The following LRRC4C variants were observed in gnomAD, a reference collection of about 807,000 sequenced individuals.
The protein encoded by LRRC4C is leucine rich repeat containing 4C.
Under a neutral mutation model 33.6 loss-of-function variants are expected in LRRC4C, and 5 were observed. The observed-to-expected ratio is 0.15, with a 90% CI of 0.08 to 0.31. The LOEUF is 0.31. Ranked by LOEUF, LRRC4C falls within the 10% of genes least tolerant of loss-of-function variation. The pLI is 1.00. For missense variants in LRRC4C, 560 were observed against 796.7 expected (o/e 0.70, Z 3.58); for synonymous variants, 329 against 302.0 (o/e 1.09, Z -0.93).
chr11:41,141,277 C>A lies in LRRC4C; in HGVS notation c.-495-207554G>T, dbSNP rs1488889952. ...CCACCACACAAAATTTCCAGTGCAG[C>A]CAAGAGGGAAGGCTGCTAGCAACAC... On this transcript the variant is annotated intron_variant, in intron 1 of 6. Coordinates refer to ENST00000528697, the MANE Select transcript of LRRC4C (RefSeq NM_001258419.2). Among the ~76,000 whole-genome samples, 4 of 152,128 alleles carry A rather than the reference C, an allele frequency of 2.6e-5. No homozygotes were observed. In the East Asian group the frequency reaches 7.8e-4, roughly 29 times the overall value.
At chr11:40,681,288 C>A (rs766151355) in intron 2 of LRRC4C, among the ~76,000 whole-genome samples, 1 of 152,172 alleles carries the variant, frequency 6.6e-6, no homozygotes, top group African/African-American at 2.4e-5. Flanking sequence ...TAATCCATGT[C>A]TGTCTATGCT....
intron 4 of LRRC4C, among the ~76,000 whole-genome samples, chr11:40,273,506 C>T (rs903065719): frequency 2.0e-5 from 3 of 152,142 alleles, no homozygotes; most frequent in Non-Finnish European, 4.4e-5. Context: ...ACATTTTTCT[C>T]TTAATCCAAT....
chr11:40,556,017 T>C (rs1050047918), intron 3 of LRRC4C, among the ~76,000 whole-genome samples: 1 of 152,216 alleles, frequency 6.6e-6, no homozygotes, highest in African/African-American at 2.4e-5. Context: ...AATGAAACTA[T>C]AGCCTCTTCT....
chr11:40,954,601 A>G (rs1395865548), intron 1 of LRRC4C, among the ~76,000 whole-genome samples: 1 of 151,866 alleles, frequency 6.6e-6, no homozygotes, highest in African/African-American at 2.4e-5. Context: ...TTCAAGTGAG[A>G]CCATATAAAG....
At chr11:40,969,880 C>A (rs150523514) in intron 1 of LRRC4C, among the ~76,000 whole-genome samples, 2 of 152,228 alleles carry the variant, frequency 1.3e-5, no homozygotes, top group Admixed American at 1.3e-4. Context: ...CAGACATTAT[C>A]CCCTTCAGTT....
intron 2 of LRRC4C, among the ~76,000 whole-genome samples, chr11:40,721,414 AACT>A (rs1947006957): frequency 6.6e-6 from 1 of 152,208 alleles, no homozygotes; most frequent in Non-Finnish European, 1.5e-5. Flanking sequence ...CAGGCTCCAG[AACT>A]GTGAGAAGTA....
intron 6 of LRRC4C, among the ~76,000 whole-genome samples, chr11:40,124,885 G>A (rs1276878368): frequency 1.3e-5 from 2 of 151,958 alleles, no homozygotes; most frequent in Non-Finnish European, 2.9e-5. Context: ...ATTACGCATT[G>A]TATGCCTGTA....
intron 2 of LRRC4C, among the ~76,000 whole-genome samples, chr11:40,717,001 A>G (rs1946759792): frequency 6.6e-6 from 1 of 152,190 alleles, no homozygotes; most frequent in Non-Finnish European, 1.5e-5. Context: ...CTTTTTCTGC[A>G]GGACTAAGCC....
intron 4 of LRRC4C, among the ~76,000 whole-genome samples, chr11:40,242,423 C>T (rs999861696): frequency 8.6e-5 from 13 of 152,022 alleles, no homozygotes; most frequent in Non-Finnish European, 1.6e-4. Flanking sequence ...TTCATTATTA[C>T]TGCTTTCTAG....
rs955776669 is a variant in LRRC4C, at chr11:41,163,755, G to T, written c.-495-230032C>A. 6.6e-5 allele frequency among the ~76,000 whole-genome samples: 10 copies of T among 151,810 alleles called. 1 individual carries two copies. Among genetic ancestry groups the T allele is most frequent in the Admixed American group, 5.9e-4 (9 of 15,230 alleles). On this transcript the variant is annotated intron_variant, in intron 1 of 6. Transcript: ENST00000528697. ...GCTTTCTGAGTAGCTGGGATTACAG[G>T]TGCCCACAAACACTCCAAGCAAATT...
At chr11:40,685,948 T>C (rs1944929774) in intron 2 of LRRC4C, among the ~76,000 whole-genome samples, 1 of 151,704 alleles carries the variant, frequency 6.6e-6, no homozygotes, top group Non-Finnish European at 1.5e-5. Flanking sequence ...TATGAGTAGA[T>C]AAACTTAACA....
chr11:41,079,339 G>T (rs1394085496), intron 1 of LRRC4C, among the ~76,000 whole-genome samples: 1 of 152,184 alleles, frequency 6.6e-6, no homozygotes, highest in Non-Finnish European at 1.5e-5. Context: ...AAGAAGGAGG[G>T]TGACAAGGCA....
intron 2 of LRRC4C, among the ~76,000 whole-genome samples, chr11:40,858,038 G>A (rs1328108887): frequency 6.7e-6 from 1 of 148,584 alleles, no homozygotes; most frequent in Non-Finnish European, 1.5e-5. Flanking sequence ...GAAGGGAAGG[G>A]AAGGGAAGGG....
intron 1 of LRRC4C, among the ~76,000 whole-genome samples, chr11:41,357,571 T>C (rs1030198512): frequency 6.6e-6 from 1 of 152,114 alleles, no homozygotes; most frequent in African/African-American, 2.4e-5. Context: ...TTGCGTATTT[T>C]CTCTGTGGCC....
At chr11:40,709,156 C>A (rs1044311104) in intron 2 of LRRC4C, among the ~76,000 whole-genome samples, 10 of 152,056 alleles carry the variant, frequency 6.6e-5, no homozygotes, top group African/African-American at 1.2e-4. Flanking sequence ...GACTGTTTAT[C>A]CAATTTGCCA....
chr11:40,390,156 A>G (rs1489879624), intron 3 of LRRC4C, among the ~76,000 whole-genome samples: 1 of 152,230 alleles, frequency 6.6e-6, no homozygotes, highest in Non-Finnish European at 1.5e-5. Context: ...TCCTGCCATG[A>G]ATAATCTCTG....
At chr11:40,660,089 T>C (rs149244062) in intron 2 of LRRC4C, among the ~76,000 whole-genome samples, 1 of 152,222 alleles carries the variant, frequency 6.6e-6, no homozygotes, top group Non-Finnish European at 1.5e-5. Flanking sequence ...GCATTCTCCT[T>C]GTCCACACAC....
intron 1 of LRRC4C, among the ~76,000 whole-genome samples, chr11:41,143,291 T>A (rs1943591289): frequency 7.0e-6 from 1 of 142,966 alleles, no homozygotes; most frequent in South Asian, 2.2e-4. Flanking sequence ...TTTTAAAAAA[T>A]AAATTTTCCA....
At chr11:40,800,858 TCTC>T (rs1016461979) in intron 2 of LRRC4C, among the ~76,000 whole-genome samples, 2 of 152,160 alleles carry the variant, frequency 1.3e-5, no homozygotes, top group African/African-American at 4.8e-5. Flanking sequence ...ATATCAAACT[TCTC>T]CTTCAGTTAT....
Sources: gnomAD v4.1 joint callset for allele counts (sites outside exome capture counted in the v4.1 genomes callset) on GRCh38, gnomAD v4.1.1 for gene constraint, MANE v1.5 for transcripts, NCBI Gene and HGNC (gene_info 2026-07-23, HGNC 2026-07-21) for gene names.